TENM2: variants seen among roughly 807,000 people sequenced by gnomAD.
The protein encoded by TENM2 is teneurin-2.
A neutral mutation model predicts 245.2 loss-of-function variants in TENM2; 52 were observed. The ratio of observed to expected loss-of-function variants is 0.21; its 90% confidence interval spans 0.17 to 0.27. The LOEUF is 0.27. Among genes scored for constraint, TENM2 ranks in the 10% least tolerant of loss-of-function variants. The probability of loss-of-function intolerance (pLI) is 1.00; values close to 1 mark genes in which losing one functional copy is unlikely to be tolerated. For synonymous variants in TENM2, 1,363 were observed against 1,438.9 expected, an observed-to-expected ratio of 0.95 and a Z score of 1.19; for missense variants, 3,046 against 3,666.8, an observed-to-expected ratio of 0.83 and a Z score of 4.37.
At chr5:167,930,630 A>G (rs1778204652) in intron 3 of TENM2, among the ~76,000 whole-genome samples, 1 of 152,056 alleles carries the variant, frequency 6.6e-6, no homozygotes. Context: ...GCATGCCACT[A>G]TGCCAGCTAT....
At chr5:167,276,750 A>G in the TENM2 span, among the ~76,000 whole-genome samples, 1 of 152,050 alleles carries the variant, frequency 6.6e-6, no homozygotes, top group East Asian at 1.9e-4. Flanking sequence ...CACAATGTAA[A>G]TGCTATGTAT....
chr5:167,389,477 C>T (rs900617475), intron 2 of TENM2, among the ~76,000 whole-genome samples: 1 of 151,968 alleles, frequency 6.6e-6, no homozygotes, highest in African/African-American at 2.4e-5. Context: ...AAAATCATTT[C>T]CCCATGACAT....
the TENM2 span, among the ~76,000 whole-genome samples, chr5:167,032,115 C>T: frequency 6.6e-6 from 1 of 152,040 alleles, no homozygotes; most frequent in South Asian, 2.1e-4. Context: ...TGAATAAGTA[C>T]AATTTTACTC....
In TENM2 at chr5:167,839,147, C is replaced by T. The variant is rs79566482; in HGVS notation, c.503-36839C>T. 5.5e-3 allele frequency among the ~76,000 whole-genome samples: 831 copies of T among 152,254 alleles called. 9 individuals carry two copies. Among genetic ancestry groups the T allele is most frequent in the African/African-American group, 0.019 (781 of 41,530 alleles). On this transcript the variant is annotated intron_variant, in intron 2 of 28. Transcript: ENST00000518659. ...TTTAACACTCAGGACATCTGTGAGT[C>T]GGGTGTTTACTGGTTCCTCTGCTTC... is the stretch of plus-strand genomic sequence containing the variant.
At chr5:167,072,604 A>G in the TENM2 span, among the ~76,000 whole-genome samples, 1 of 152,122 alleles carries the variant, frequency 6.6e-6, no homozygotes, top group Admixed American at 6.5e-5. Flanking sequence ...AGAATTTTAT[A>G]TTTTATCTTT....
At chr5:167,758,393 A>C (rs1470206726) in intron 2 of TENM2, among the ~76,000 whole-genome samples, 2 of 152,156 alleles carry the variant, frequency 1.3e-5, no homozygotes, top group African/African-American at 4.8e-5. Flanking sequence ...TGATTGGCTC[A>C]ATGGGAAGAG....
At chr5:167,391,391 T>A (rs951696488) in intron 2 of TENM2, among the ~76,000 whole-genome samples, 10 of 151,948 alleles carry the variant, frequency 6.6e-5, no homozygotes, top group African/African-American at 2.4e-4. Flanking sequence ...TTTGGGAGGC[T>A]GAGGCGAGCA....
chr5:167,303,639 A>AG (rs892036581), intron 1 of TENM2, among the ~76,000 whole-genome samples: 6 of 152,166 alleles, frequency 3.9e-5, no homozygotes, highest in African/African-American at 1.4e-4. Context: ...TGCAGGTCAC[A>AG]GGGGATATGA....
chr5:168,031,348 C>T (rs1787128380), intron 5 of TENM2, among the ~76,000 whole-genome samples: 1 of 152,214 alleles, frequency 6.6e-6, no homozygotes, highest in Non-Finnish European at 1.5e-5. Context: ...AAAGGCAAGC[C>T]ATCTCAAATT....
intron 4 of TENM2, among the ~76,000 whole-genome samples, chr5:167,967,252 A>G (rs1781450500): frequency 6.6e-6 from 1 of 152,146 alleles, no homozygotes; most frequent in Non-Finnish European, 1.5e-5. Context: ...GGGGCACCTC[A>G]TCCCCCACAT....
chr5:167,015,694 A>G, the TENM2 span, among the ~76,000 whole-genome samples: 1 of 152,174 alleles, frequency 6.6e-6, no homozygotes, highest in African/African-American at 2.4e-5. Flanking sequence ...GTTTCATGGT[A>G]AGGATACCAA....
At chr5:167,532,311 T>TTTTTA in intron 2 of TENM2, among the ~76,000 whole-genome samples, 1 of 151,932 alleles carries the variant, frequency 6.6e-6, no homozygotes, top group African/African-American at 2.4e-5. Context: ...CTCTCTCTTT[T>TTTTTA]TATATATATA....
At chr5:168,191,983 C>T (rs1761004461) in intron 14 of TENM2, among the ~76,000 whole-genome samples, 1 of 152,022 alleles carries the variant, frequency 6.6e-6, no homozygotes, top group Non-Finnish European at 1.5e-5. Context: ...TCTCTGTTGT[C>T]GTTTTTACTA....
At chr5:167,033,021 T>G in the TENM2 span, among the ~76,000 whole-genome samples, 1 of 152,150 alleles carries the variant, frequency 6.6e-6, no homozygotes, top group Non-Finnish European at 1.5e-5. Context: ...AGTAGGTTCA[T>G]GTAGGTAGGG....
At chr5:167,740,344 A>T (rs1175216512) in intron 2 of TENM2, among the ~76,000 whole-genome samples, 1 of 152,278 alleles carries the variant, frequency 6.6e-6, no homozygotes, top group East Asian at 1.9e-4. Context: ...AGCTTAAGGC[A>T]GCAGCTTCTG....
At chr5:167,993,501 T>A (rs1783825224) in intron 5 of TENM2, among the ~76,000 whole-genome samples, 1 of 152,228 alleles carries the variant, frequency 6.6e-6, no homozygotes, top group Non-Finnish European at 1.5e-5. Context: ...GCCTTCTAGT[T>A]TTCTCCATCC....
At chr5:167,296,227 C>A (rs1444896499) in intron 1 of TENM2, 1 of 152,128 alleles carries the variant, frequency 6.6e-6, no homozygotes, top group African/African-American at 2.4e-5. Flanking sequence ...TTGTGTTCAC[C>A]CTGATTTATG....
At chr5:167,929,055 AAGAG>A (rs1229815397) in intron 3 of TENM2, among the ~76,000 whole-genome samples, 5 of 113,150 alleles carry the variant, frequency 4.4e-5, no homozygotes, top group African/African-American at 1.5e-4. Flanking sequence ...AAAAGAAAGA[AAGAG>A]AGAAAGAAAG....
At chr5:167,358,452 C>T (rs1480177162) in intron 1 of TENM2, among the ~76,000 whole-genome samples, 3 of 136,996 alleles carry the variant, frequency 2.2e-5, no homozygotes, top group Non-Finnish European at 3.1e-5. Flanking sequence ...TCCCACTGCA[C>T]AGGTCACTCC....
Sources: gnomAD v4.1 joint callset for allele counts (sites outside exome capture counted in the v4.1 genomes callset) on GRCh38, gnomAD v4.1.1 for gene constraint, MANE v1.5 for transcripts, NCBI Gene and HGNC (gene_info 2026-07-23, HGNC 2026-07-21) for gene names.